Variants in RGPD3 observed in about 807,000 individuals in gnomAD.
RGPD3 encodes ranBP2-like and GRIP domain-containing protein 3.
RGPD3 carries 62 observed loss-of-function variants against 154.5 expected under a neutral mutation model. The observed-to-expected ratio is 0.40, with a 90% CI of 0.33 to 0.50. The LOEUF (loss-of-function observed/expected upper bound fraction) is 0.50. Among genes scored for constraint, RGPD3 ranks in the 20% least tolerant of loss-of-function variants. The pLI, the probability that RGPD3 is intolerant of heterozygous loss-of-function variation, is 0.59. For synonymous variants in RGPD3, 308 were observed against 607.0 expected (o/e 0.51, Z 7.24); for missense variants, 919 against 1,716.8 (o/e 0.54, Z 8.21).
At chr2:106,421,693 T>C (rs1676993065) in intron 20 of RGPD3, among the ~76,000 whole-genome samples, 4 of 152,062 alleles carry the variant, frequency 2.6e-5, no homozygotes. Context: ...AACATTTTTC[T>C]AAACCATGCA....
chr2:106,468,281 C>T lies in RGPD3; in HGVS notation c.8G>A (p.Cys3Tyr), dbSNP rs1370186062. 3 of 1,606,568 alleles carry T rather than the reference C, an allele frequency of 1.9e-6. No homozygotes were observed. The highest frequency in any genetic ancestry group is 2.5e-6 in the Non-Finnish European group (3 of 1,177,844). The change falls in exon 1 of 23, where the codon TGC becomes TAC. Residue 3 changes from cysteine (C) to tyrosine (Y), a missense_variant. Transcript: ENST00000409886. Reference protein sequence around the residue: MSCSKAYGERYVA... With the variant: MSYSKAYGERYVA... ...GTACCGCTCCCCGTAGGCCTTGCTG[C>T]AACTCATCGCGCCACCAACCTGGCT...
chr2:106,434,227 C>G lies in RGPD3; in HGVS notation c.2205+1G>C. ...CGTACATACAACAACCTGCTACTTA[C>G]TTTCTTGACCACTGAAAGATTTGAA... On this transcript the variant is annotated splice_donor_variant, in intron 15 of 22. Transcript: ENST00000409886. LOFTEE classifies it high-confidence loss of function. 1.3e-6 allele frequency: 2 copies of G among 1,586,618 alleles called. No individual in the cohort carries two copies. The highest frequency in any genetic ancestry group is 1.7e-6 in the Non-Finnish European group (2 of 1,165,010).
chr2:106,470,902 G>A, upstream of RGPD3: 1 of 1,581,254 alleles, frequency 6.3e-7, no homozygotes, highest in Non-Finnish European at 8.6e-7. Context: ...GTCAGAGAGG[G>A]AGCTGGCAGT....
At chr2:106,454,403 AT>A (rs1203783016) in intron 4 of RGPD3, among the ~76,000 whole-genome samples, 1 of 148,310 alleles carries the variant, frequency 6.7e-6, no homozygotes, top group African/African-American at 2.5e-5. Context: ...TATGTTAAAC[AT>A]TTTTTTAAAA....
chr2:106,468,160 G>T, intron 1 of RGPD3, 57 bp downstream of exon 1: 3 of 1,541,820 alleles, frequency 1.9e-6, no homozygotes, highest in Non-Finnish European at 2.6e-6. Flanking sequence ...CGCCGGGCCG[G>T]GTCGAGGCCG....
At chr2:106,466,364 G>C (rs567812436) in intron 1 of RGPD3, among the ~76,000 whole-genome samples, 1 of 149,638 alleles carries the variant, frequency 6.7e-6, no homozygotes, top group South Asian at 2.1e-4. Context: ...CGAGGCCGCC[G>C]CCGGGCCGGG....
chr2:106,459,415 A>G, intron 1 of RGPD3, 83 bp from the exon 2 acceptor site: 1 of 605,258 alleles, frequency 1.7e-6, no homozygotes, highest in Non-Finnish European at 2.8e-6. Context: ...ATCTGCCCTA[A>G]GTTTATGTTC....
chr2:106,441,437 A>G, intron 7 of RGPD3, 57 bp from the exon 8 acceptor site: 1 of 951,974 alleles, frequency 1.1e-6, no homozygotes, highest in Non-Finnish European at 1.6e-6. Context: ...TCTAATAGTA[A>G]CATGGTCTTA....
chr2:106,461,889 A>C (rs2104518974), intron 1 of RGPD3, among the ~76,000 whole-genome samples: 1 of 152,010 alleles, frequency 6.6e-6, no homozygotes, highest in Non-Finnish European at 1.5e-5. Context: ...TCAGGACAGC[A>C]CGTAAAAGAA....
chr2:106,430,120 G>A (rs1199449558), intron 17 of RGPD3, among the ~76,000 whole-genome samples: 2 of 149,500 alleles, frequency 1.3e-5, no homozygotes, highest in African/African-American at 4.9e-5. Flanking sequence ...CTGACCTCAA[G>A]TGATCCACCA....
chr2:106,436,281 T>C, intron 11 of RGPD3, 35 bp from the exon 12 acceptor site: 1 of 1,611,540 alleles, frequency 6.2e-7, no homozygotes, highest in Non-Finnish European at 8.5e-7. Flanking sequence ...AATTGCTTTC[T>C]AAATACACAG....
At chr2:106,463,190 A>G (rs1024926835) in intron 1 of RGPD3, among the ~76,000 whole-genome samples, 1 of 148,586 alleles carries the variant, frequency 6.7e-6, no homozygotes, top group African/African-American at 2.5e-5. Context: ...AATTGCGAAA[A>G]AAATTATTTC....
At chr2:106,466,085 C>T (rs942210021) in intron 1 of RGPD3, among the ~76,000 whole-genome samples, 6 of 151,806 alleles carry the variant, frequency 4.0e-5, no homozygotes, top group African/African-American at 1.2e-4. Context: ...CCCAAGCCCC[C>T]GAGAACTAGG....
chr2:106,462,735 C>T (rs1472785155), intron 1 of RGPD3, among the ~76,000 whole-genome samples: 1 of 152,018 alleles, frequency 6.6e-6, no homozygotes, highest in Non-Finnish European at 1.5e-5. Flanking sequence ...CCATCTTGCA[C>T]AGTCAAATGA....
chr2:106,462,965 AAG>A (rs564345623), intron 1 of RGPD3, among the ~76,000 whole-genome samples: 2,879 of 150,030 alleles, frequency 0.019, 24 homozygotes, highest in Non-Finnish European at 0.032. Flanking sequence ...AGAGGAGAAT[AAG>A]AGAAAAATTA....
At position 106,424,730 on chromosome 2, in the gene RGPD3, T is replaced by G; in HGVS notation, c.3237A>C (p.Glu1079Asp). ...GAATTTTTAAGTTCCCCAAGCCCCT[T>G]TCTTTCCACTGACTTACCTCAGCAT... ...RFDAEVSQWK[E>D]RGLGNLKILK... is the part of the protein sequence containing the mutation. Residue 1079 changes from glutamate to aspartate, a missense_variant, in exon 20 of 23, where the codon GAA (glutamate) becomes GAC (aspartate). Coordinates refer to ENST00000409886, the MANE Select transcript of RGPD3 (RefSeq NM_001144013.2). 6.2e-7 allele frequency: 1 copy of G among 1,611,970 alleles called. No homozygotes were observed. Among genetic ancestry groups the G allele is most frequent in the Non-Finnish European group, 8.5e-7 (1 of 1,179,850 alleles).
chr2:106,413,279 T>A lies in RGPD3; in HGVS notation c.5071A>T (p.Lys1691Ter). Residue 1691 changes from lysine to a stop codon, truncating the protein, a stop_gained, in exon 22 of 23, where the codon AAA becomes TAA. Coordinates refer to ENST00000409886, the MANE Select transcript of RGPD3 (RefSeq NM_001144013.2). LOFTEE classifies it high-confidence loss of function. ...AVLMEQIKLL[K>*]SEIRRLERNQ... is the part of the protein sequence containing the mutation. ...CTTTCCAATCTTCTTATTTCACTTTTGAGAAGCTGGTGTTAGAGAAATGAG... is the reference window on the plus strand; with the variant it reads ...CTTTCCAATCTTCTTATTTCACTTTAGAGAAGCTGGTGTTAGAGAAATGAG... 1 of 1,611,894 alleles carries A rather than the reference T, an allele frequency of 6.2e-7. No homozygotes were observed. Among genetic ancestry groups the A allele is most frequent in the Non-Finnish European group, 8.5e-7 (1 of 1,179,824 alleles).
Position 106,405,011 on chromosome 2 carries a change from C to G in RGPD3, c.*208G>C. ...GTTGTACTTTTACTTCAAGTTGAAA[C>G]TTTTAAAATACATCTGTCATATAGA... On this transcript the variant is annotated 3_prime_UTR_variant, in exon 23 of 23. Transcript: ENST00000409886. 1 of 692,628 alleles carries G rather than the reference C, an allele frequency of 1.4e-6. No homozygotes were observed. The highest frequency in any genetic ancestry group is 2.4e-6 in the Non-Finnish European group (1 of 415,184). The allele number at this position is 692,628 out of a possible 1,614,324, so 42.9% of individuals were successfully genotyped here. A position where few individuals can be genotyped will look rare whatever the true frequency, so the allele number is the denominator to read the frequency against.
At chr2:106,451,727 G>A (rs1426469512) in intron 6 of RGPD3, among the ~76,000 whole-genome samples, 1 of 151,514 alleles carries the variant, frequency 6.6e-6, no homozygotes, top group South Asian at 2.1e-4. Context: ...TCAAAATTTA[G>A]GAAAAAAGGT....
Sources: gnomAD v4.1 joint callset for allele counts (sites outside exome capture counted in the v4.1 genomes callset) on GRCh38, gnomAD v4.1.1 for gene constraint, MANE v1.5 for transcripts, NCBI Gene and HGNC (gene_info 2026-07-23, HGNC 2026-07-21) for gene names.